SHROOM4: variants seen among roughly 807,000 people sequenced by gnomAD.
SHROOM4 encodes shroom family member 4, also known as protein Shroom4.
SHROOM4 carries 17 observed loss-of-function variants against 80.3 expected under a neutral mutation model. The ratio of observed to expected loss-of-function variants is 0.21; its 90% CI spans 0.14 to 0.32. The LOEUF (loss-of-function observed/expected upper bound fraction) is 0.32, where lower values mean the gene tolerates loss of function less well. Among genes scored for constraint, SHROOM4 ranks in the 10% least tolerant of loss-of-function variants. SHROOM4 has a pLI of 1.00. For missense variants in SHROOM4, 993 were observed against 1,140.3 expected (o/e 0.87, Z 1.86); for synonymous variants, 400 against 437.5 (o/e 0.91, Z 1.07).
chrX:50,671,666 T>A (rs2047472965), intron 2 of SHROOM4, among the ~76,000 whole-genome samples: 1 of 112,760 alleles, frequency 8.9e-6, no homozygotes, highest in African/African-American at 3.2e-5. Flanking sequence ...TTTTTCTGAA[T>A]TAGGGTTTGG....
At chrX:50,713,165 C>T (rs1400439651) in intron 1 of SHROOM4, among the ~76,000 whole-genome samples, 1 of 111,408 alleles carries the variant, frequency 9.0e-6, no homozygotes, top group African/African-American at 3.3e-5. Context: ...AACAGCAGAG[C>T]TCTATGTAGC....
chrX:50,628,144 A>G (rs1477372274), intron 4 of SHROOM4, among the ~76,000 whole-genome samples: 1 of 111,535 alleles, frequency 9.0e-6, no homozygotes, highest in Non-Finnish European at 1.9e-5. Context: ...CTCCGGCTGC[A>G]GCAACCCTCT....
At chrX:50,706,867 T>G (rs1557263999) in intron 1 of SHROOM4, among the ~76,000 whole-genome samples, 2 of 111,477 alleles carry the variant, frequency 1.8e-5, no homozygotes, top group Non-Finnish European at 3.8e-5. Flanking sequence ...GAAACTGAGG[T>G]GTATGGCAAT....
chrX:50,599,361 C>T (rs1220133269), intron 7 of SHROOM4, among the ~76,000 whole-genome samples: 1 of 111,262 alleles, frequency 9.0e-6, no homozygotes, highest in Non-Finnish European at 1.9e-5. Flanking sequence ...GGAGTTATAA[C>T]GACTGGGTTT....
At chrX:50,641,887 C>G (rs1438435216) in intron 2 of SHROOM4, among the ~76,000 whole-genome samples, 1 of 112,776 alleles carries the variant, frequency 8.9e-6, no homozygotes, top group Admixed American at 9.3e-5. Context: ...GCTGGGATTA[C>G]AAGCGTGAGC....
intron 5 of SHROOM4, among the ~76,000 whole-genome samples, chrX:50,608,846 C>T (rs1929819136): frequency 8.9e-6 from 1 of 112,080 alleles, no homozygotes. Context: ...CTTCCATTCC[C>T]CTATTGCCTC....
chrX:50,590,478 C>G lies in SHROOM4; in HGVS notation c.*6217G>C, dbSNP rs1423668293. ...TGTTAGCCAGGATGGTTGCGATCTCCTGACCTCCTGATCCGCCCGCCACGG... is the reference window on the plus strand; with the variant it reads ...TGTTAGCCAGGATGGTTGCGATCTCGTGACCTCCTGATCCGCCCGCCACGG... On this transcript the variant is annotated 3_prime_UTR_variant, in exon 9 of 9. Coordinates refer to ENST00000376020, the MANE Select transcript of SHROOM4 (RefSeq NM_020717.5). 9.0e-6 allele frequency among the ~76,000 whole-genome samples: 1 copy of G among 111,043 alleles called. No homozygotes were observed. The highest frequency in any genetic ancestry group is 1.9e-5 in the Non-Finnish European group (1 of 52,960).
At chrX:50,643,120 T>C (rs1931668152) in intron 2 of SHROOM4, among the ~76,000 whole-genome samples, 1 of 111,761 alleles carries the variant, frequency 8.9e-6, no homozygotes. Flanking sequence ...GGCCAAGATG[T>C]GAAGGCAGTG....
At chrX:50,669,313 CCT>C (rs1320798817) in intron 2 of SHROOM4, among the ~76,000 whole-genome samples, 2 of 111,806 alleles carry the variant, frequency 1.8e-5, no homozygotes, top group Admixed American at 1.9e-4. Flanking sequence ...TCTCCTCTCT[CCT>C]CTCTTCTCTT....
At chrX:50,743,717 A>C (rs993095522) in intron 1 of SHROOM4, among the ~76,000 whole-genome samples, 13 of 111,618 alleles carry the variant, frequency 1.2e-4, no homozygotes, top group Non-Finnish European at 1.9e-4. Context: ...TTGGCCTCCC[A>C]AAGTGCTGGG....
intron 1 of SHROOM4, among the ~76,000 whole-genome samples, chrX:50,791,402 C>G (rs1935847898): frequency 9.2e-6 from 1 of 108,575 alleles, no homozygotes; most frequent in Admixed American, 9.9e-5. Context: ...AATGTAATCC[C>G]TATCAAAATC....
At chrX:50,633,082 A>G in intron 4 of SHROOM4, 96 bp downstream of exon 4, 1 of 878,373 alleles carries the variant, frequency 1.1e-6, no homozygotes, top group Non-Finnish European at 1.6e-6. Context: ...GTACAGTTTC[A>G]AGGAATTATA....
intron 2 of SHROOM4, among the ~76,000 whole-genome samples, chrX:50,695,185 C>A (rs1933338805): frequency 8.9e-6 from 1 of 111,941 alleles, no homozygotes. Context: ...TTAAATTCCA[C>A]TTCCTCTATG....
chrX:50,777,518 G>A (rs782790566), intron 1 of SHROOM4, among the ~76,000 whole-genome samples: 214 of 111,639 alleles, frequency 1.9e-3, no homozygotes, highest in Non-Finnish European at 3.4e-3. Context: ...TTCATATCAT[G>A]GGTTATTATT....
rs1434948075 is a variant in SHROOM4, at chrX:50,618,419, C to CCTTT, written c.2957+9191_2957+9194dup. Among the ~76,000 whole-genome samples, 182 of 72,598 alleles carry CCTTT rather than the reference C, an allele frequency of 2.5e-3. 21 individuals are homozygous for CCTTT. The highest frequency in any genetic ancestry group is 7.5e-3 in the African/African-American group (146 of 19,411). 63.0% of individuals were successfully genotyped at this position (72,598 alleles called of 115,157 possible). A position where few individuals can be genotyped will look rare whatever the true frequency, so the allele number is the denominator to read the frequency against. ...TCCTTCCTTCCTTCCTTCCTTCCTT[C>CCTTT]CTTTCTTATTTTTGAGACAGTGTCT... On this transcript the variant is annotated intron_variant, in intron 5 of 8. Transcript: ENST00000376020.
At chrX:50,643,008 G>C (rs1931663066) in intron 2 of SHROOM4, among the ~76,000 whole-genome samples, 2 of 111,096 alleles carry the variant, frequency 1.8e-5, no homozygotes, top group African/African-American at 6.6e-5. Flanking sequence ...GGTCTCATTA[G>C]TCCTAGAGCT....
At chrX:50,680,666 T>C (rs1932922756) in intron 2 of SHROOM4, among the ~76,000 whole-genome samples, 1 of 111,429 alleles carries the variant, frequency 9.0e-6, no homozygotes, top group Non-Finnish European at 1.9e-5. Context: ...GGAATTTTTA[T>C]ATTAATACCA....
rs1276321252 is a variant in SHROOM4, at chrX:50,706,034, ACAC to A, written c.118-10100_118-10098del. ...CACACACACACACACACACACACAC[ACAC>A]GTCATACCAAACTTTCTGTTCTTCA... On this transcript the variant is annotated intron_variant, in intron 1 of 8. Coordinates refer to ENST00000376020, the MANE Select transcript of SHROOM4 (RefSeq NM_020717.5). 5.1e-4 allele frequency among the ~76,000 whole-genome samples: 54 copies of A among 106,228 alleles called. 1 individual carries two copies. Among genetic ancestry groups the A allele is most frequent in the African/African-American group, 1.8e-3 (52 of 29,117 alleles). 92.2% of individuals were successfully genotyped at this position (106,228 alleles called of 115,157 possible). A position where few individuals can be genotyped will look rare whatever the true frequency, so the allele number is the denominator to read the frequency against.
intron 1 of SHROOM4, among the ~76,000 whole-genome samples, chrX:50,705,037 T>C: frequency 8.9e-6 from 1 of 112,001 alleles, no homozygotes; most frequent in Non-Finnish European, 1.9e-5. Context: ...AAAGCAATAA[T>C]AATAACATCC....
Sources: gnomAD v4.1 joint callset for allele counts (sites outside exome capture counted in the v4.1 genomes callset) on GRCh38, gnomAD v4.1.1 for gene constraint, MANE v1.5 for transcripts, NCBI Gene and HGNC (gene_info 2026-07-23, HGNC 2026-07-21) for gene names.